Variants in KIRREL1 observed in about 807,000 individuals in gnomAD.
The protein encoded by KIRREL1 is kirre like nephrin family adhesion molecule 1.
A neutral mutation model predicts 83.3 loss-of-function variants in KIRREL1; 25 were observed. The ratio of observed to expected loss-of-function variants is 0.30; its 90% confidence interval spans 0.22 to 0.42. KIRREL1 has a LOEUF of 0.42. Among genes scored for constraint, KIRREL1 ranks in the 10% least tolerant of loss-of-function variants. The pLI is 1.00. For synonymous variants in KIRREL1, 388 were observed against 410.4 expected (o/e 0.95, Z 0.66); for missense variants, 812 against 1,032.3 (o/e 0.79, Z 2.92).
At chr1:158,012,588 T>C (rs1659718102) in intron 1 of KIRREL1, among the ~76,000 whole-genome samples, 1 of 152,214 alleles carries the variant, frequency 6.6e-6, no homozygotes, top group Admixed American at 6.5e-5. Flanking sequence ...ATCAGGGACC[T>C]GAGTTCACAT....
chr1:158,055,621 G>C (rs12749549), intron 1 of KIRREL1, among the ~76,000 whole-genome samples: 1 of 152,158 alleles, frequency 6.6e-6, no homozygotes, highest in African/African-American at 2.4e-5. Context: ...TTGGCATCTC[G>C]TGGTGTTGAA....
intron 1 of KIRREL1, among the ~76,000 whole-genome samples, chr1:158,066,849 C>A (rs929035241): frequency 2.6e-5 from 4 of 152,232 alleles, no homozygotes; most frequent in African/African-American, 9.6e-5. Flanking sequence ...CACCTGCCTC[C>A]TGTCTCCCCT....
intron 3 of KIRREL1, among the ~76,000 whole-genome samples, chr1:158,079,885 G>A (rs1661796154): frequency 6.6e-6 from 1 of 152,234 alleles, no homozygotes; most frequent in African/African-American, 2.4e-5. Flanking sequence ...GGGCGAATGT[G>A]AGATGTCAGA....
intron 1 of KIRREL1, among the ~76,000 whole-genome samples, chr1:158,023,308 G>A (rs1347850002): frequency 1.3e-5 from 2 of 152,182 alleles, no homozygotes; most frequent in African/African-American, 4.8e-5. Flanking sequence ...GTTTTAGACG[G>A]TCAATAGTAT....
intron 1 of KIRREL1, among the ~76,000 whole-genome samples, chr1:158,027,611 T>C (rs1178020435): frequency 1.3e-5 from 2 of 152,230 alleles, no homozygotes; most frequent in East Asian, 1.9e-4. Context: ...AAGACACTTA[T>C]CGCTTGGGAG....
intron 3 of KIRREL1, among the ~76,000 whole-genome samples, chr1:158,083,328 C>T (rs1001659401): frequency 3.3e-5 from 5 of 152,158 alleles, no homozygotes; most frequent in African/African-American, 7.2e-5. Flanking sequence ...AAATCCAAGG[C>T]GCTAAGAGCT....
intron 1 of KIRREL1, among the ~76,000 whole-genome samples, chr1:158,054,344 T>C (rs530035154): frequency 6.6e-6 from 1 of 151,934 alleles, no homozygotes; most frequent in South Asian, 2.1e-4. Flanking sequence ...ATAGAAGTTA[T>C]ATAAACAAAA....
At chr1:158,038,460 A>C (rs1660533117) in intron 1 of KIRREL1, among the ~76,000 whole-genome samples, 1 of 149,140 alleles carries the variant, frequency 6.7e-6, no homozygotes, top group South Asian at 2.1e-4. Flanking sequence ...GGTGTCTTCC[A>C]GTCCTTTTAC....
intron 1 of KIRREL1, among the ~76,000 whole-genome samples, chr1:158,015,251 T>C (rs749205817): frequency 8.5e-5 from 13 of 152,176 alleles, no homozygotes; most frequent in Non-Finnish European, 1.8e-4. Flanking sequence ...TGTCCTTTTC[T>C]TCCTCTCATC....
chr1:158,019,323 C>A (rs1367838477), intron 1 of KIRREL1, among the ~76,000 whole-genome samples: 1 of 152,160 alleles, frequency 6.6e-6, no homozygotes, highest in Non-Finnish European at 1.5e-5. Context: ...TTGAATTATT[C>A]TCAGACAATT....
intron 3 of KIRREL1, 44 bp downstream of exon 3, chr1:158,078,184 C>G (rs751038340): frequency 3.8e-6 from 6 of 1,593,350 alleles, no homozygotes; most frequent in Non-Finnish European, 5.2e-6. Flanking sequence ...CCCTGTCTCT[C>G]TGTATCCTGG....
intron 1 of KIRREL1, among the ~76,000 whole-genome samples, chr1:158,002,482 TG>T (rs779294154): frequency 2.0e-5 from 3 of 152,232 alleles, no homozygotes; most frequent in Non-Finnish European, 4.4e-5. Context: ...GTTTTTCAAA[TG>T]GAGTCCTTTG....
chr1:158,046,385 C>T (rs1347172032), intron 1 of KIRREL1, among the ~76,000 whole-genome samples: 7 of 152,192 alleles, frequency 4.6e-5, no homozygotes, highest in Middle Eastern at 6.8e-3. Context: ...AGATCGGGAG[C>T]TCAGTTTTGG....
At chr1:158,053,193 A>G (rs1660954038) in intron 1 of KIRREL1, among the ~76,000 whole-genome samples, 5 of 152,204 alleles carry the variant, frequency 3.3e-5, no homozygotes, top group Admixed American at 2.6e-4. Context: ...ACTCACCTCT[A>G]CGTTCCTTGA....
At chr1:158,068,406 A>G (rs1661413863) in intron 1 of KIRREL1, among the ~76,000 whole-genome samples, 2 of 152,164 alleles carry the variant, frequency 1.3e-5, no homozygotes, top group South Asian at 4.1e-4. Flanking sequence ...AAGGGTCTCT[A>G]AAGTCAGTCA....
intron 1 of KIRREL1, chr1:158,031,062 C>CAGGAG (rs1300513600): frequency 6.6e-6 from 1 of 152,182 alleles, no homozygotes; most frequent in Non-Finnish European, 1.5e-5. Context: ...CTCCCCTGTT[C>CAGGAG]ATTAATGATT....
chr1:158,069,333 TGTGTGTGTGTGA>T (rs777464384), intron 1 of KIRREL1, among the ~76,000 whole-genome samples: 118 of 151,874 alleles, frequency 7.8e-4, no homozygotes, highest in Non-Finnish European at 1.5e-3. Context: ...TGTGTGTGTG[TGTGTGTGTGTGA>T]ATCTAAGCAT....
rs1246209558 is a variant in KIRREL1, at chr1:158,089,571, C to T, written c.1114C>T (p.Arg372Trp). Residue 372 changes from arginine to tryptophan, a missense_variant, in exon 9 of 15, where the codon CGG becomes TGG. Physicochemically the swap from Arg to Trp is moderately radical, Grantham distance 101 (BLOSUM62 -3). Coordinates refer to ENST00000359209, the MANE Select transcript of KIRREL1 (RefSeq NM_018240.7). The stretch of plus-strand genomic sequence containing the variant: ...GGCAGACGCTGGCACCTACACCTGC[C>T]GGGCCATCGTGCCTCGAATCGGAGT... Reference protein sequence around the residue: ...TQADAGTYTCRAIVPRIGVAE... With the variant: ...TQADAGTYTCWAIVPRIGVAE... 1.9e-6 allele frequency: 3 copies of T among 1,614,124 alleles called. No homozygotes were observed. The highest frequency in any genetic ancestry group is 1.7e-6 in the Non-Finnish European group (2 of 1,180,014).
chr1:158,026,107 A>G (rs1403791653), intron 1 of KIRREL1, among the ~76,000 whole-genome samples: 1 of 152,174 alleles, frequency 6.6e-6, no homozygotes, highest in African/African-American at 2.4e-5. Flanking sequence ...CTAAGTCATA[A>G]GAAGGCCAAA....
Sources: gnomAD v4.1 joint callset for allele counts (sites outside exome capture counted in the v4.1 genomes callset) on GRCh38, gnomAD v4.1.1 for gene constraint, MANE v1.5 for transcripts, NCBI Gene and HGNC (gene_info 2026-07-23, HGNC 2026-07-21) for gene names.